The following PLPPR1 variants were observed in gnomAD, a reference collection of about 807,000 sequenced individuals.
The protein encoded by PLPPR1 is phospholipid phosphatase-related protein type 1.
Under a neutral mutation model 33.1 loss-of-function variants are expected in PLPPR1, and 10 were observed. The observed-to-expected ratio is 0.30, with a 90% CI of 0.19 to 0.51. PLPPR1 has a LOEUF of 0.51. Ranked by LOEUF, PLPPR1 falls within the 20% of genes least tolerant of loss-of-function variation. The pLI, the probability that PLPPR1 is intolerant of heterozygous loss-of-function variation, is 0.97. For missense variants in PLPPR1, 304 were observed against 408.1 expected (o/e 0.74, Z 2.20); for synonymous variants, 151 against 151.0 (o/e 1.00, Z 0.00).
At chr9:101,226,268 T>A (rs1210631732) in intron 2 of PLPPR1, among the ~76,000 whole-genome samples, 1 of 151,788 alleles carries the variant, frequency 6.6e-6, no homozygotes, top group African/African-American at 2.4e-5. Context: ...TTGATTCCCC[T>A]CCCCCCTCCT....
chr9:101,217,296 T>A (rs2118779626), intron 2 of PLPPR1, among the ~76,000 whole-genome samples: 1 of 152,068 alleles, frequency 6.6e-6, no homozygotes, highest in African/African-American at 2.4e-5. Context: ...AAAAGGGAAA[T>A]CATAGAAAAA....
chr9:101,280,957 A>C (rs568546935), intron 3 of PLPPR1, among the ~76,000 whole-genome samples: 3 of 152,252 alleles, frequency 2.0e-5, no homozygotes, highest in Non-Finnish European at 4.4e-5. Context: ...AGGAACATCC[A>C]AATTGGACAG....
chr9:101,087,285 A>G (rs977077396), intron 1 of PLPPR1, among the ~76,000 whole-genome samples: 1 of 152,284 alleles, frequency 6.6e-6, no homozygotes, highest in African/African-American at 2.4e-5. Context: ...AGTTTTACTG[A>G]CACTCTCTTC....
intron 1 of PLPPR1, among the ~76,000 whole-genome samples, chr9:101,130,066 A>G (rs1831296286): frequency 6.6e-6 from 1 of 152,162 alleles, no homozygotes; most frequent in South Asian, 2.1e-4. Context: ...TTTTGGGGAT[A>G]TGGAAATGCT....
At chr9:101,167,764 G>C (rs780717187) in intron 1 of PLPPR1, among the ~76,000 whole-genome samples, 1 of 152,116 alleles carries the variant, frequency 6.6e-6, no homozygotes, top group Non-Finnish European at 1.5e-5. Context: ...TCTCCTCCCT[G>C]CTCATCTCAA....
chr9:101,123,646 C>T (rs1036356007), intron 1 of PLPPR1, among the ~76,000 whole-genome samples: 19 of 152,132 alleles, frequency 1.2e-4, no homozygotes, highest in Admixed American at 7.2e-4. Flanking sequence ...TCAAAGGGCA[C>T]GTTGCTTTAA....
At chr9:101,251,539 A>T (rs187576433) in intron 2 of PLPPR1, among the ~76,000 whole-genome samples, 1 of 152,124 alleles carries the variant, frequency 6.6e-6, no homozygotes, top group African/African-American at 2.4e-5. Context: ...AGATTTGACC[A>T]TGCCACTGCC....
chr9:101,296,810 C>T (rs12339943), intron 4 of PLPPR1, among the ~76,000 whole-genome samples: 20 of 148,162 alleles, frequency 1.3e-4, no homozygotes, highest in Admixed American at 8.0e-4. Flanking sequence ...GTGGGTGGAG[C>T]GGGGAGGGAT....
At chr9:101,236,191 C>T (rs957548556) in intron 2 of PLPPR1, among the ~76,000 whole-genome samples, 7 of 151,820 alleles carry the variant, frequency 4.6e-5, no homozygotes, top group African/African-American at 1.7e-4. Context: ...ATAGAAAACA[C>T]ACTACCTATC....
At chr9:101,238,965 T>C (rs917458473) in intron 2 of PLPPR1, among the ~76,000 whole-genome samples, 10 of 151,224 alleles carry the variant, frequency 6.6e-5, no homozygotes, top group African/African-American at 2.2e-4. Context: ...TTTTTTTTTT[T>C]AGCTCCTACA....
intron 1 of PLPPR1, among the ~76,000 whole-genome samples, chr9:101,048,014 G>C (rs1180153141): frequency 6.6e-6 from 1 of 152,178 alleles, no homozygotes. Context: ...CCGGTAGGTG[G>C]ACCCCAGCCT....
At chr9:101,300,892 G>A (rs1828738538) in intron 4 of PLPPR1, among the ~76,000 whole-genome samples, 1 of 152,170 alleles carries the variant, frequency 6.6e-6, no homozygotes. Flanking sequence ...ACCGCCTAGA[G>A]GGACCGAGAA....
At chr9:101,055,278 C>T (rs1185047334) in intron 1 of PLPPR1, among the ~76,000 whole-genome samples, 1 of 152,186 alleles carries the variant, frequency 6.6e-6, no homozygotes, top group Non-Finnish European at 1.5e-5. Context: ...CTCTCCTATG[C>T]TAATCCAGGA....
chr9:101,244,474 C>T (rs1439621540), intron 2 of PLPPR1, among the ~76,000 whole-genome samples: 1 of 151,616 alleles, frequency 6.6e-6, no homozygotes, highest in Non-Finnish European at 1.5e-5. Flanking sequence ...GTTACATCTA[C>T]GCTCTCTCAT....
chr9:101,315,269 A>AT (rs540650290), intron 6 of PLPPR1, among the ~76,000 whole-genome samples: 91 of 152,244 alleles, frequency 6.0e-4, no homozygotes, highest in African/African-American at 2.0e-3. Flanking sequence ...TTCCTGAGGA[A>AT]TTTTTTTAAG....
intron 1 of PLPPR1, among the ~76,000 whole-genome samples, chr9:101,062,940 C>T (rs1830364602): frequency 1.3e-5 from 2 of 152,004 alleles, no homozygotes; most frequent in South Asian, 4.2e-4. Flanking sequence ...AGGTCATGCT[C>T]AAAGTTCAGT....
At chr9:101,254,485 A>C (rs945777552) in intron 2 of PLPPR1, among the ~76,000 whole-genome samples, 8 of 152,022 alleles carry the variant, frequency 5.3e-5, no homozygotes, top group Non-Finnish European at 7.4e-5. Flanking sequence ...CTTGCCTGCC[A>C]CTCACCTCCT....
intron 1 of PLPPR1, among the ~76,000 whole-genome samples, chr9:101,107,958 C>G (rs1478962027): frequency 2.7e-5 from 4 of 150,648 alleles, no homozygotes; most frequent in African/African-American, 7.4e-5. Context: ...AGGGAACTCC[C>G]TGACCCCTTG....
chr9:101,121,226 A>G (rs1831175287), intron 1 of PLPPR1, among the ~76,000 whole-genome samples: 1 of 152,232 alleles, frequency 6.6e-6, no homozygotes, highest in African/African-American at 2.4e-5. Flanking sequence ...TCTTTTTATC[A>G]GATGAGGAAT....
Sources: gnomAD v4.1 joint callset for allele counts (sites outside exome capture counted in the v4.1 genomes callset) on GRCh38, gnomAD v4.1.1 for gene constraint, MANE v1.5 for transcripts, NCBI Gene and HGNC (gene_info 2026-07-23, HGNC 2026-07-21) for gene names.